Variants in ABLIM2 observed in about 807,000 individuals in gnomAD.
ABLIM2 encodes actin-binding LIM protein 2.
Under a neutral mutation model 97.7 loss-of-function variants are expected in ABLIM2, and 53 were observed. That is an observed-to-expected ratio of 0.54 (90% CI 0.44 to 0.68). The LOEUF (loss-of-function observed/expected upper bound fraction) is 0.68, where lower values mean the gene tolerates loss of function less well. ABLIM2 is among the 30% of genes least tolerant of loss of function. ABLIM2 has a pLI of 0.00. For missense variants in ABLIM2, 835 were observed against 867.2 expected, an observed-to-expected ratio of 0.96 and a Z score of 0.47; for synonymous variants, 361 against 345.8, an observed-to-expected ratio of 1.04 and a Z score of -0.49.
At chr4:8,030,697 C>T (rs1227893796) in intron 10 of ABLIM2, among the ~76,000 whole-genome samples, 2 of 152,226 alleles carry the variant, frequency 1.3e-5, no homozygotes, top group African/African-American at 2.4e-5. Flanking sequence ...TCTCTCGGGC[C>T]GGCTAGTGCC....
At chr4:7,968,446 C>T (rs747201375) in intron 20 of ABLIM2, among the ~76,000 whole-genome samples, 6 of 152,180 alleles carry the variant, frequency 3.9e-5, no homozygotes, top group Non-Finnish European at 8.8e-5. Context: ...CATCAATGGA[C>T]GAATAGATAC....
intron 8 of ABLIM2, among the ~76,000 whole-genome samples, chr4:8,048,935 C>A (rs1245847899): frequency 1.1e-4 from 16 of 152,158 alleles, no homozygotes; most frequent in Non-Finnish European, 1.5e-5. Flanking sequence ...CACAGGGCCA[C>A]CCCCTTCTCA....
chr4:8,121,864 G>A (rs1270762963), intron 1 of ABLIM2, among the ~76,000 whole-genome samples: 1 of 152,120 alleles, frequency 6.6e-6, no homozygotes, highest in Non-Finnish European at 1.5e-5. Flanking sequence ...GCAAACACCA[G>A]GGACTGCACT....
At chr4:8,050,103 A>T (rs916958063) in intron 8 of ABLIM2, among the ~76,000 whole-genome samples, 6 of 152,134 alleles carry the variant, frequency 3.9e-5, no homozygotes, top group African/African-American at 1.2e-4. Flanking sequence ...GACCAAACCA[A>T]TGTCAATCTT....
intron 7 of ABLIM2, among the ~76,000 whole-genome samples, chr4:8,056,549 C>T (rs1003448495): frequency 3.3e-5 from 5 of 151,968 alleles, no homozygotes; most frequent in South Asian, 2.1e-4. Flanking sequence ...AATCTGCCTG[C>T]CTTGGCCTCC....
intron 2 of ABLIM2, among the ~76,000 whole-genome samples, chr4:8,103,659 T>C (rs1010845320): frequency 2.0e-5 from 3 of 152,230 alleles, no homozygotes; most frequent in African/African-American, 7.2e-5. Context: ...CCATTGACAC[T>C]GTCTCATCCC....
chr4:8,032,203 A>G lies in ABLIM2; in HGVS notation c.1048-2427T>C, dbSNP rs1376178716. Among the ~76,000 whole-genome samples the G allele has an allele frequency of 2.1e-5, 1 of 47,362 alleles. No homozygotes were observed. Among genetic ancestry groups the G allele is most frequent in the Non-Finnish European group, 3.7e-5 (1 of 26,952 alleles). The allele number at this position is 47,362 out of a possible 152,430, so 31.1% of individuals were successfully genotyped here. ...CACTGATTAATTTTGAGAAACAGAAAAAAAAAAAAAAAACTAGACCACTAA... is the reference window on the plus strand; with the variant it reads ...CACTGATTAATTTTGAGAAACAGAAGAAAAAAAAAAAAACTAGACCACTAA... On this transcript the variant is annotated intron_variant, in intron 10 of 20. Transcript: ENST00000447017. This position sits in a 1 kb window ranked among gnomAD's most constrained non-coding sequence, Gnocchi z 4.3.
At chr4:8,018,783 TC>T (rs1235937714) in intron 14 of ABLIM2, among the ~76,000 whole-genome samples, 2 of 152,232 alleles carry the variant, frequency 1.3e-5, no homozygotes, top group Admixed American at 1.3e-4. Context: ...AAATGCCTTT[TC>T]CCATCGCTAG....
Position 8,125,445 on chromosome 4 carries a change from C to T in ABLIM2, c.11-18808G>A, listed in dbSNP as rs11724027. 0.019 allele frequency among the ~76,000 whole-genome samples: 2,929 copies of T among 152,344 alleles called. 33 individuals carry two copies. The highest frequency in any genetic ancestry group is 0.048 in the South Asian group (231 of 4,826). ...GGATACCCTTGCTTCGCATGTGAAT[C>T]GCGATCTGCAGTGCTGATGGCCGCA... On this transcript the variant is annotated intron_variant, in intron 1 of 20. Transcript: ENST00000447017. The surrounding 1 kb of genome is among the most constrained non-coding windows in gnomAD (Gnocchi z 6.2).
At chr4:8,152,555 C>T (rs909188627) in intron 1 of ABLIM2, among the ~76,000 whole-genome samples, 4 of 152,204 alleles carry the variant, frequency 2.6e-5, no homozygotes, top group Non-Finnish European at 4.4e-5. Flanking sequence ...GCAGCCCTGG[C>T]GATGGAAAAA....
intron 9 of ABLIM2, among the ~76,000 whole-genome samples, chr4:8,039,250 C>T (rs1786527759): frequency 6.6e-6 from 1 of 152,154 alleles, no homozygotes; most frequent in Admixed American, 6.5e-5. Context: ...TTTGCATCCT[C>T]CCTTCCCCAC....
At position 8,077,612 on chromosome 4, in the gene ABLIM2, G is replaced by A. The variant is rs375660629; in HGVS notation, c.675+16C>T. On this transcript the variant is annotated intron_variant, in intron 6 of 20. Coordinates refer to ENST00000447017, the MANE Select transcript of ABLIM2 (RefSeq NM_001130083.2). ...CCTAGCTCAGAGCGGGCAGGGGCCCGGCCCGCCGCGCTTACCTCCAGCACG... is the reference window on the plus strand; with the variant it reads ...CCTAGCTCAGAGCGGGCAGGGGCCCAGCCCGCCGCGCTTACCTCCAGCACG... 2.0e-5 allele frequency: 32 copies of A among 1,591,246 alleles called. 1 individual carries two copies. The highest frequency in any genetic ancestry group is 1.2e-4 in the African/African-American group (9 of 74,652).
At chr4:7,994,144 TTGTGCAGGTTAGTTACATATGTATACA>T (rs1414600076) in intron 16 of ABLIM2, among the ~76,000 whole-genome samples, 47 of 38,182 alleles carry the variant, frequency 1.2e-3, no homozygotes, top group African/African-American at 2.8e-3. Context: ...CATGTGCACA[TTGTGCAGGTTAGTTACATATGTATACA>T]TGTGCCATGC....
intron 6 of ABLIM2, among the ~76,000 whole-genome samples, chr4:8,063,190 C>T (rs550567056): frequency 2.6e-5 from 4 of 152,310 alleles, no homozygotes; most frequent in South Asian, 2.1e-4. Context: ...CTCAGCCTCC[C>T]GAGTAGCTGG....
intron 5 of ABLIM2, among the ~76,000 whole-genome samples, chr4:8,080,073 G>A (rs975357598): frequency 2.0e-5 from 3 of 152,152 alleles, no homozygotes; most frequent in African/African-American, 7.2e-5. Flanking sequence ...TCCATTCAAG[G>A]CCATTATCTT....
intron 5 of ABLIM2, 106 bp from the exon 6 acceptor site, chr4:8,077,827 C>A: frequency 2.2e-6 from 2 of 896,496 alleles, no homozygotes; most frequent in South Asian, 1.6e-5. Flanking sequence ...GGGGGAATGC[C>A]CACCTCCTCC....
rs1052958213 is a variant in ABLIM2, at chr4:8,087,563, G to A, written c.454+606C>T. The stretch of plus-strand genomic sequence containing the variant: ...CCCCCAAAGGGGTCCCGGGTGGCCT[G>A]GAATTAACAGAGGGGAGCTGAGGGG... On this transcript the variant is annotated intron_variant, in intron 4 of 20. Coordinates refer to ENST00000447017, the MANE Select transcript of ABLIM2 (RefSeq NM_001130083.2). This position sits in a 1 kb window ranked among gnomAD's most constrained non-coding sequence, Gnocchi z 4.6. 1.3e-5 allele frequency among the ~76,000 whole-genome samples: 2 copies of A among 152,162 alleles called. No homozygotes were observed. The highest frequency in any genetic ancestry group is 2.9e-5 in the Non-Finnish European group (2 of 68,026).
At chr4:7,997,825 C>T (rs545453202) in intron 16 of ABLIM2, among the ~76,000 whole-genome samples, 1 of 152,162 alleles carries the variant, frequency 6.6e-6, no homozygotes, top group African/African-American at 2.4e-5. Flanking sequence ...AAATCCTTGT[C>T]AGACAATTCC....
chr4:8,134,927 CA>C (rs370179288), intron 1 of ABLIM2, among the ~76,000 whole-genome samples: 21 of 152,342 alleles, frequency 1.4e-4, no homozygotes, highest in African/African-American at 4.8e-4. Context: ...TAGGTGCACA[CA>C]AGGTGTGCTA....
Sources: allele counts gnomAD v4.1 joint callset (sites outside exome capture counted in the v4.1 genomes callset), GRCh38; gene constraint gnomAD v4.1.1; non-coding constraint Gnocchi (gnomAD v3.1); transcripts MANE v1.5; gene names NCBI Gene and HGNC (gene_info 2026-07-23, HGNC 2026-07-21).